GATM: variants seen among roughly 807,000 people sequenced by gnomAD.
GATM encodes the protein glycine amidinotransferase, mitochondrial.
Under a neutral mutation model 54.2 loss-of-function variants are expected in GATM, and 23 were observed. The ratio of observed to expected loss-of-function variants is 0.42; its 90% confidence interval spans 0.31 to 0.60. The LOEUF is 0.60. Ranked by LOEUF, GATM falls within the 20% of genes least tolerant of loss-of-function variation. The pLI is 0.14. For synonymous variants in GATM, 168 were observed against 183.1 expected (o/e 0.92, Z 0.67); for missense variants, 401 against 544.9 (o/e 0.74, Z 2.63).
upstream of GATM, among the ~76,000 whole-genome samples, chr15:45,383,263 GTT>G (rs1889766618): frequency 6.6e-6 from 1 of 152,234 alleles, no homozygotes; most frequent in African/African-American, 2.4e-5. Flanking sequence ...ATTTTTACTA[GTT>G]TTGAACAGCT....
exon 1 of GATM, chr15:45,402,201 G>A: frequency 1.7e-6 from 1 of 583,782 alleles, no homozygotes; most frequent in Non-Finnish European, 2.8e-6. Context: ...GAAAGCTCTG[G>A]GTTAGGCAAC....
intron 6 of GATM, among the ~76,000 whole-genome samples, chr15:45,365,224 C>T (rs891491096): frequency 1.3e-5 from 2 of 152,150 alleles, no homozygotes; most frequent in African/African-American, 4.8e-5. Context: ...GTGACTACAT[C>T]AAACCCACAG....
At chr15:45,377,149 G>A (rs2140658179) in intron 1 of GATM, 2 of 459,236 alleles carry the variant, frequency 4.4e-6, no homozygotes, top group South Asian at 3.3e-5. Flanking sequence ...CAACTGTTTT[G>A]CAGATGGGTC....
In GATM at chr15:45,378,401, T is replaced by G; in HGVS notation, c.53A>C (p.His18Pro). The G allele has an allele frequency of 6.6e-7, 1 of 1,509,936 alleles. No individual in the cohort carries two copies. Among genetic ancestry groups the G allele is most frequent in the South Asian group, 1.2e-5 (1 of 81,234 alleles). The allele number at this position is 1,509,936 out of a possible 1,614,324, so 93.5% of individuals were successfully genotyped here. ...RGGSRGAEAV[H>P]YIGSRLGRTL... ...CGCACGCACCCGAGATCCGATGTAG[T>G]GCACCGCCTCGGCGCCGCGGCTCCC... is the stretch of plus-strand genomic sequence containing the variant. The change falls in exon 1 of 9, where the codon CAC (histidine) becomes CCC (proline). Residue 18 changes from histidine to proline, a missense_variant. Transcript: ENST00000396659.
At chr15:45,395,066 A>G (rs1190558693) in intron 3 of GATM, among the ~76,000 whole-genome samples, 1 of 152,240 alleles carries the variant, frequency 6.6e-6, no homozygotes, top group African/African-American at 2.4e-5. Flanking sequence ...TGTCTTAGAA[A>G]GAAGAAATCA....
At chr15:45,395,822 T>A (rs936249889) in intron 3 of GATM, among the ~76,000 whole-genome samples, 3 of 152,100 alleles carry the variant, frequency 2.0e-5, no homozygotes, top group African/African-American at 7.2e-5. Context: ...TCCCTCCCAT[T>A]TACCGCACAT....
At chr15:45,397,887 G>T (rs1889952230) in intron 2 of GATM, among the ~76,000 whole-genome samples, 1 of 152,176 alleles carries the variant, frequency 6.6e-6, no homozygotes, top group South Asian at 2.1e-4. Context: ...ACACCCAGGT[G>T]GTATCTGTGG....
At chr15:45,377,171 C>G (rs1228994454) in intron 1 of GATM, 1 of 462,314 alleles carries the variant, frequency 2.2e-6, no homozygotes, top group African/African-American at 2.0e-5. Flanking sequence ...GTCCTCCTCT[C>G]AGAAAACCAT....
rs893953336 is a variant in GATM, at chr15:45,368,586, T to C, written c.485-326A>G. The stretch of plus-strand genomic sequence containing the variant: ...GAGATTGTGCCACCACACTCCAGCC[T>C]GGGCGACAGAGTGAGACTCTGTCTC... On this transcript the variant is annotated intron_variant, in intron 3 of 8. Transcript: ENST00000396659. The surrounding 1 kb of genome is among the most constrained non-coding windows in gnomAD (Gnocchi z 5.1). Among the ~76,000 whole-genome samples the C allele has an allele frequency of 6.6e-6, 1 of 151,910 alleles. No individual in the cohort carries two copies. Among genetic ancestry groups the C allele is most frequent in the Non-Finnish European group, 1.5e-5 (1 of 67,962 alleles).
intron 3 of GATM, among the ~76,000 whole-genome samples, chr15:45,391,326 T>C (rs778540371): frequency 6.7e-4 from 101 of 151,832 alleles, no homozygotes; most frequent in African/African-American, 2.4e-3. Flanking sequence ...GCAGGAGAAT[T>C]ACTTGAACCC....
At chr15:45,369,692 T>C in intron 2 of GATM, 171 bp from the exon 3 acceptor site, 1 of 649,766 alleles carries the variant, frequency 1.5e-6, no homozygotes. Context: ...GGGCAGACAC[T>C]CAGTATCTGT....
At position 45,378,528 on chromosome 15, in the gene GATM, C is replaced by A. The variant is rs1889686535; in HGVS notation, c.-75G>T. On this transcript the variant is annotated 5_prime_UTR_variant, in exon 1 of 9. Coordinates refer to ENST00000396659, the MANE Select transcript of GATM (RefSeq NM_001482.3). ...GCGTCGGTCCAAGCCTTCCCGAGAG[C>A]GCGCCCGGAGCGGGGTGGGCGGGCG... 3.3e-6 allele frequency: 4 copies of A among 1,221,010 alleles called. No individual in the cohort carries two copies. Among genetic ancestry groups the A allele is most frequent in the African/African-American group, 1.6e-5 (1 of 62,452 alleles). The allele number at this position is 1,221,010 out of a possible 1,614,324, so 75.6% of individuals were successfully genotyped here.
At chr15:45,395,831 A>C (rs144929951) in intron 3 of GATM, among the ~76,000 whole-genome samples, 1 of 152,104 alleles carries the variant, frequency 6.6e-6, no homozygotes, top group East Asian at 1.9e-4. Flanking sequence ...TTTACCGCAC[A>C]TTTCCTGGTA....
chr15:45,389,921 G>A (rs545088145), intron 3 of GATM, among the ~76,000 whole-genome samples: 2 of 151,054 alleles, frequency 1.3e-5, no homozygotes, highest in South Asian at 4.2e-4. Flanking sequence ...GTGCAGTGGC[G>A]TGATCTCAGC....
At chr15:45,363,643 G>A (rs530624762) in intron 8 of GATM, 4 of 548,252 alleles carry the variant, frequency 7.3e-6, no homozygotes, top group Admixed American at 6.8e-5. Flanking sequence ...GCACCAAAAC[G>A]TTGGCTAAGT....
At chr15:45,378,787 GC>G (rs1889693117), upstream of GATM, 1 of 292,654 alleles carries the variant, frequency 3.4e-6, no homozygotes, top group African/African-American at 2.2e-5. Context: ...TCGCAAGAAG[GC>G]CCGTTGGAGT....
Position 45,366,062 on chromosome 15 carries a change from T to C in GATM, c.962A>G (p.Asp321Gly). The C allele has an allele frequency of 6.2e-7, 1 of 1,614,142 alleles. No individual in the cohort carries two copies. The highest frequency in any genetic ancestry group is 8.5e-7 in the Non-Finnish European group (1 of 1,180,020). ...ATCTCTTACCTGGTGACATGGTCGGTCAGGGTTGGAAAGCACAATACCAGG... is the reference window on the plus strand; with the variant it reads ...ATCTCTTACCTGGTGACATGGTCGGCCAGGGTTGGAAAGCACAATACCAGG... ...IGPGIVLSNP[D>G]RPCHQIDLFK... The change falls in exon 6 of 9, where the codon GAC becomes GGC. Residue 321 changes from aspartate to glycine, a missense_variant. Asp to Gly is a moderately conservative substitution (Grantham distance 94). Transcript: ENST00000396659.
intron 2 of GATM, among the ~76,000 whole-genome samples, chr15:45,370,587 G>A (rs1889526296): frequency 6.6e-6 from 1 of 152,060 alleles, no homozygotes; most frequent in African/African-American, 2.4e-5. Context: ...ATACAAGGAA[G>A]TGATATGATA....
chr15:45,371,031 C>A (rs1490487253), intron 2 of GATM, among the ~76,000 whole-genome samples: 1 of 152,182 alleles, frequency 6.6e-6, no homozygotes, highest in Non-Finnish European at 1.5e-5. Context: ...CGTCGGCCCC[C>A]CAAAGGGCTG....
Sources: allele counts gnomAD v4.1 joint callset (sites outside exome capture counted in the v4.1 genomes callset), GRCh38; gene constraint gnomAD v4.1.1; non-coding constraint Gnocchi (gnomAD v3.1); transcripts MANE v1.5; gene names NCBI Gene and HGNC (gene_info 2026-07-23, HGNC 2026-07-21).